SETBP1: variants seen among roughly 807,000 people sequenced by gnomAD.
The protein encoded by SETBP1 is SET-binding protein.
A neutral mutation model predicts 101.0 loss-of-function variants in SETBP1; 9 were observed. The observed-to-expected ratio is 0.09, with a 90% CI of 0.05 to 0.16. The LOEUF (loss-of-function observed/expected upper bound fraction) is 0.16, where lower values mean the gene tolerates loss of function less well. Ranked by LOEUF, SETBP1 falls within the 10% of genes least tolerant of loss-of-function variation. The probability of loss-of-function intolerance (pLI) is 1.00; values close to 1 mark genes in which losing one functional copy is unlikely to be tolerated. For synonymous variants in SETBP1, 818 were observed against 788.5 expected (o/e 1.04, Z -0.63); for missense variants, 1,858 against 2,033.8 (o/e 0.91, Z 1.66).
chr18:45,005,643 C>CTTTT (rs11301319), intron 4 of SETBP1, among the ~76,000 whole-genome samples: 7 of 116,224 alleles, frequency 6.0e-5, no homozygotes, highest in African/African-American at 1.0e-4. Context: ...TAAAATCTTC[C>CTTTT]TTTTTTTTTT....
intron 5 of SETBP1, among the ~76,000 whole-genome samples, chr18:45,061,985 G>A (rs1599509531): frequency 6.6e-6 from 1 of 152,208 alleles, no homozygotes; most frequent in Non-Finnish European, 1.5e-5. Flanking sequence ...CACCTTGAAG[G>A]TGGAGCCATG....
intron 4 of SETBP1, among the ~76,000 whole-genome samples, chr18:44,990,927 G>GA (rs996043221): frequency 0.02 from 1,283 of 63,028 alleles, 19 homozygotes; most frequent in South Asian, 0.091. Flanking sequence ...CAGAGAGAGA[G>GA]AAAAAAAAAA....
chr18:44,877,218 T>C, intron 3 of SETBP1: 5 of 740,114 alleles, frequency 6.8e-6, no homozygotes, highest in Non-Finnish European at 8.3e-6. Context: ...TTTATAGCAA[T>C]TTGACATTTT....
chr18:44,901,792 AG>A (rs2039135672), intron 3 of SETBP1, among the ~76,000 whole-genome samples: 1 of 152,236 alleles, frequency 6.6e-6, no homozygotes, highest in African/African-American at 2.4e-5. Flanking sequence ...TTGACCAGTT[AG>A]AAATATTACC....
At chr18:44,954,328 C>CAAA (rs2071434104) in intron 4 of SETBP1, among the ~76,000 whole-genome samples, 2 of 47,818 alleles carry the variant, frequency 4.2e-5, no homozygotes, top group African/African-American at 2.0e-4. Flanking sequence ...GTTGCAGAAG[C>CAAA]TAAAAAAAAA....
intron 2 of SETBP1, among the ~76,000 whole-genome samples, chr18:44,744,084 A>T (rs1448043665): frequency 2.0e-5 from 3 of 152,166 alleles, no homozygotes; most frequent in African/African-American, 7.2e-5. Context: ...ACACCCCTGA[A>T]CATTTCCACT....
intron 4 of SETBP1, among the ~76,000 whole-genome samples, chr18:44,974,995 A>G (rs2071954641): frequency 2.6e-5 from 4 of 152,194 alleles, no homozygotes; most frequent in Admixed American, 2.0e-4. Context: ...GCACTTTTTG[A>G]AATCTGATTT....
intron 2 of SETBP1, among the ~76,000 whole-genome samples, chr18:44,808,187 C>G (rs967706085): frequency 1.3e-5 from 2 of 152,178 alleles, no homozygotes; most frequent in African/African-American, 2.4e-5. Context: ...CATCTATCCA[C>G]ACGATTGTAA....
chr18:45,048,920 C>T (rs918376077), intron 5 of SETBP1, among the ~76,000 whole-genome samples: 2 of 135,256 alleles, frequency 1.5e-5, no homozygotes, highest in African/African-American at 5.5e-5. Context: ...TGCAGTGAGC[C>T]GAGATTGCGC....
intron 2 of SETBP1, among the ~76,000 whole-genome samples, chr18:44,723,930 A>C (rs1245950784): frequency 6.6e-6 from 1 of 152,244 alleles, no homozygotes; most frequent in Non-Finnish European, 1.5e-5. Flanking sequence ...TTTACCCTGC[A>C]TAATGCTGCC....
chr18:44,859,150 A>C (rs921624977), intron 2 of SETBP1, among the ~76,000 whole-genome samples: 1 of 152,244 alleles, frequency 6.6e-6, no homozygotes, highest in South Asian at 2.1e-4. Context: ...AACAATGTTC[A>C]TAGCAGTGTA....
intron 4 of SETBP1, among the ~76,000 whole-genome samples, chr18:44,957,568 C>T (rs2071516550): frequency 6.6e-6 from 1 of 152,118 alleles, no homozygotes; most frequent in African/African-American, 2.4e-5. Flanking sequence ...GCTGGATTCC[C>T]TGGCACCTGG....
Position 44,877,914 on chromosome 18 carries a change from T to C in SETBP1, c.540+8631T>C, listed in dbSNP as rs148011739. On this transcript the variant is annotated intron_variant, in intron 3 of 5. Coordinates refer to ENST00000649279, the MANE Select transcript of SETBP1 (RefSeq NM_015559.3). ...AATCTCTAGACCTCAGTGAATATTT[T>C]GTTTTTTAATTCCAAGACATTCTGA... Among the ~76,000 whole-genome samples, 106 of 152,328 alleles carry C rather than the reference T, an allele frequency of 7.0e-4. No individual in the cohort carries two copies. The Middle Eastern group carries it at 0.014, about 20-fold the overall frequency.
intron 4 of SETBP1, among the ~76,000 whole-genome samples, chr18:44,997,612 A>G (rs1008630819): frequency 6.6e-6 from 1 of 152,200 alleles, no homozygotes; most frequent in African/African-American, 2.4e-5. Context: ...TTGGAAATGG[A>G]TACCATATCT....
rs927653416 is a variant in SETBP1 at position 44,765,329 on chromosome 18, G to T, written c.486+63497G>T. Among the ~76,000 whole-genome samples, 19 of 151,578 alleles carry T rather than the reference G, an allele frequency of 1.3e-4. 1 individual carries two copies. The highest frequency in any genetic ancestry group is 1.2e-3 in the Admixed American group (19 of 15,246). ...GGAAAGAAGTTTTCCCATTGGTTTT[G>T]TTTCTCTCTCTTTGGAACAAGATAG... On this transcript the variant is annotated intron_variant, in intron 2 of 5. Coordinates refer to ENST00000649279, the MANE Select transcript of SETBP1 (RefSeq NM_015559.3).
At chr18:44,799,141 A>G (rs138925773) in intron 2 of SETBP1, among the ~76,000 whole-genome samples, 3 of 152,330 alleles carry the variant, frequency 2.0e-5, no homozygotes, top group African/African-American at 7.2e-5. Context: ...GAGGATTTTT[A>G]TGAACAGAAT....
intron 3 of SETBP1, among the ~76,000 whole-genome samples, chr18:44,909,180 G>A (rs1197464003): frequency 1.3e-5 from 2 of 152,242 alleles, no homozygotes; most frequent in African/African-American, 4.8e-5. Flanking sequence ...GGAAGGATGA[G>A]TAAGGAGAAA....
At chr18:44,806,877 T>C (rs2071753918) in intron 2 of SETBP1, among the ~76,000 whole-genome samples, 1 of 151,986 alleles carries the variant, frequency 6.6e-6, no homozygotes, top group Admixed American at 6.6e-5. Context: ...TGTTTAGGAC[T>C]CAGTTTCCCT....
intron 4 of SETBP1, among the ~76,000 whole-genome samples, chr18:44,996,793 C>T (rs551984966): frequency 9.9e-5 from 15 of 152,140 alleles, no homozygotes; most frequent in Admixed American, 8.5e-4. Flanking sequence ...TCTTTTCCAG[C>T]CCACAGAGCA....
Sources: allele counts gnomAD v4.1 joint callset (sites outside exome capture counted in the v4.1 genomes callset), GRCh38; gene constraint gnomAD v4.1.1; transcripts MANE v1.5; gene names NCBI Gene and HGNC (gene_info 2026-07-23, HGNC 2026-07-21).